Variants in PCTP observed in about 807,000 individuals in gnomAD.
The protein encoded by PCTP is phosphatidylcholine transfer protein.
PCTP carries 27 observed loss-of-function variants against 31.0 expected under a neutral mutation model. The ratio of observed to expected loss-of-function variants is 0.87; its 90% CI spans 0.64 to 1.20. PCTP has a LOEUF of 1.20. Ranked by LOEUF, PCTP falls within the 50% of genes most tolerant of loss-of-function variation. The probability of loss-of-function intolerance (pLI) is 0.00; values close to 1 mark genes in which losing one functional copy is unlikely to be tolerated. For synonymous variants in PCTP, 108 were observed against 101.2 expected (o/e 1.07, Z -0.40); for missense variants, 287 against 268.2 (o/e 1.07, Z -0.49).
rs143320353 is a variant in PCTP at position 55,757,150 on chromosome 17, C to T, written c.141+5906C>T. Among the ~76,000 whole-genome samples the T allele has an allele frequency of 3.4e-3, 518 of 151,592 alleles. 4 individuals carry two copies. The highest frequency in any genetic ancestry group is 0.012 in the African/African-American group (492 of 41,324). ...GCATTTGGATATATATATGTACACA[C>T]ACAAAAGCATGCATTGAGTGTGCAT... On this transcript the variant is annotated intron_variant, in intron 1 of 5. Coordinates refer to ENST00000268896, the MANE Select transcript of PCTP (RefSeq NM_021213.4).
intron 5 of PCTP, among the ~76,000 whole-genome samples, chr17:55,835,913 T>G (rs919946710): frequency 2.6e-5 from 4 of 152,274 alleles, no homozygotes; most frequent in African/African-American, 9.6e-5. Context: ...TCATGTGTCC[T>G]GCCCTGGAGA....
chr17:55,797,053 T>G (rs12948129), intron 3 of PCTP, among the ~76,000 whole-genome samples: 21,295 of 151,850 alleles, frequency 0.14, 1,559 homozygotes, highest in Middle Eastern at 0.2. Context: ...AAAAGGAAGA[T>G]CCATGCAGAT....
chr17:55,826,467 G>GAAA (rs11407655), downstream of PCTP, among the ~76,000 whole-genome samples: 494 of 135,664 alleles, frequency 3.6e-3, 5 homozygotes, highest in African/African-American at 0.013. Context: ...AAAAAGATAA[G>GAAA]AAAAAAAAAA....
At chr17:55,829,722 C>CACA (rs1905533394) in intron 5 of PCTP, among the ~76,000 whole-genome samples, 1 of 136,880 alleles carries the variant, frequency 7.3e-6, no homozygotes, top group Non-Finnish European at 1.6e-5. Flanking sequence ...ACACACACAC[C>CACA]CTCTACAAGC....
downstream of PCTP, among the ~76,000 whole-genome samples, chr17:55,778,313 A>G (rs1911437798): frequency 6.6e-6 from 1 of 151,648 alleles, no homozygotes; most frequent in South Asian, 2.1e-4. Context: ...TGGATGTATC[A>G]CTTGGAATTT....
intron 3 of PCTP, among the ~76,000 whole-genome samples, chr17:55,809,432 A>C (rs1912678352): frequency 6.6e-6 from 1 of 152,122 alleles, no homozygotes; most frequent in African/African-American, 2.4e-5. Context: ...TTGATATCTC[A>C]GCTAGTAAAT....
chr17:55,767,101 A>T (rs1597980779), intron 1 of PCTP, among the ~76,000 whole-genome samples: 19 of 151,818 alleles, frequency 1.3e-4, no homozygotes, highest in Admixed American at 1.2e-3. Context: ...CCACTTTTTG[A>T]TGGGGTTGTT....
chr17:55,807,115 T>C (rs1161221303), intron 3 of PCTP, among the ~76,000 whole-genome samples: 2 of 152,194 alleles, frequency 1.3e-5, no homozygotes, highest in African/African-American at 4.8e-5. Context: ...TCTCCTTTGA[T>C]GCAGAAGTTA....
At chr17:55,785,297 T>G (rs1311895394) in intron 2 of PCTP, among the ~76,000 whole-genome samples, 1 of 152,232 alleles carries the variant, frequency 6.6e-6, no homozygotes, top group Non-Finnish European at 1.5e-5. Flanking sequence ...AGACCCTCAG[T>G]TCAGCAGTTT....
intron 1 of PCTP, among the ~76,000 whole-genome samples, chr17:55,752,776 T>C (rs1010210831): frequency 9.2e-5 from 14 of 152,268 alleles, no homozygotes; most frequent in African/African-American, 2.9e-4. Context: ...ATGCTTGCTG[T>C]GTACTAGGAC....
intron 3 of PCTP, among the ~76,000 whole-genome samples, chr17:55,790,672 A>G (rs985575965): frequency 6.6e-6 from 1 of 151,752 alleles, no homozygotes; most frequent in Non-Finnish European, 1.5e-5. Context: ...AACAAATGGA[A>G]GAACATTCCA....
rs189661552 is a variant in PCTP, at chr17:55,806,795, T to C, written c.318-15966T>C. 3.9e-3 allele frequency among the ~76,000 whole-genome samples: 587 copies of C among 152,300 alleles called. 1 individual carries two copies. Among genetic ancestry groups the C allele is most frequent in the Middle Eastern group, 0.027 (8 of 294 alleles). ...TTGTGTAAGTATTTATACAAGATTG[T>C]GTCTTCCATTTCATATATATTACAG... On this transcript the variant is annotated intron_variant, in intron 3 of 3. Transcript: ENST00000572536.
chr17:55,819,010 C>CAAAAAAAAAA (rs56823756), intron 3 of PCTP, among the ~76,000 whole-genome samples: 82 of 51,074 alleles, frequency 1.6e-3, no homozygotes, highest in Non-Finnish European at 2.1e-3. Context: ...GGAAAGAAAT[C>CAAAAAAAAAA]AAAAAAAAAA....
chr17:55,752,456 G>A (rs765461835), intron 1 of PCTP, among the ~76,000 whole-genome samples: 3 of 152,146 alleles, frequency 2.0e-5, no homozygotes, highest in Non-Finnish European at 2.9e-5. Context: ...CTCTCCCGGG[G>A]AAGAATTATC....
chr17:55,808,306 C>T (rs1272568140), intron 3 of PCTP, among the ~76,000 whole-genome samples: 2 of 152,224 alleles, frequency 1.3e-5, no homozygotes, highest in Admixed American at 6.5e-5. Flanking sequence ...TCCCTCAGAA[C>T]TTGGATTAAC....
intron 5 of PCTP, chr17:55,775,739 T>C: frequency 8.0e-7 from 1 of 1,256,748 alleles, no homozygotes. Flanking sequence ...CCCAAGCCCA[T>C]TTCTTGTGTT....
At chr17:55,756,715 ATGTG>A (rs79186953) in intron 1 of PCTP, among the ~76,000 whole-genome samples, 104,009 of 150,290 alleles carry the variant, frequency 0.69, 41,244 homozygotes, top group East Asian at 0.91. Context: ...TGTATTATGA[ATGTG>A]TGTGTGTGTG....
At chr17:55,790,823 C>T (rs1268148394) in intron 3 of PCTP, among the ~76,000 whole-genome samples, 1 of 149,568 alleles carries the variant, frequency 6.7e-6, no homozygotes, top group Non-Finnish European at 1.5e-5. Flanking sequence ...TCATATGGAA[C>T]CAAAAAAGGG....
chr17:55,838,017 C>A (rs750684059), intron 5 of PCTP, among the ~76,000 whole-genome samples: 38 of 151,902 alleles, frequency 2.5e-4, no homozygotes, highest in Non-Finnish European at 4.0e-4. Flanking sequence ...TAGTGTGCAC[C>A]TTTAGTCCCA....
Sources: allele counts gnomAD v4.1 joint callset (sites outside exome capture counted in the v4.1 genomes callset), GRCh38; gene constraint gnomAD v4.1.1; transcripts MANE v1.5; gene names NCBI Gene and HGNC (gene_info 2026-07-23, HGNC 2026-07-21).